The following KIAA1549 variants were observed in gnomAD, a reference collection of about 807,000 sequenced individuals.
KIAA1549 encodes the protein KIAA1549.
KIAA1549 carries 70 observed loss-of-function variants against 156.4 expected under a neutral mutation model. The ratio of observed to expected loss-of-function variants is 0.45; its 90% CI spans 0.37 to 0.55. KIAA1549 has a LOEUF of 0.55. KIAA1549 is among the 20% of genes least tolerant of loss of function. The pLI is 0.00. For missense variants in KIAA1549, 2,428 were observed against 2,540.9 expected, an observed-to-expected ratio of 0.96 and a Z score of 0.96; for synonymous variants, 1,103 against 1,066.4, an observed-to-expected ratio of 1.03 and a Z score of -0.67.
At chr7:138,857,564 G>C (rs1390600857) in intron 16 of KIAA1549, among the ~76,000 whole-genome samples, 1 of 152,176 alleles carries the variant, frequency 6.6e-6, no homozygotes, top group Non-Finnish European at 1.5e-5. Context: ...CCCACCAGCA[G>C]TTCATGAGAC....
chr7:138,901,829 T>G (rs1160375180), intron 8 of KIAA1549, among the ~76,000 whole-genome samples: 1 of 152,192 alleles, frequency 6.6e-6, no homozygotes, highest in East Asian at 1.9e-4. Context: ...CATCTTCATG[T>G]TTGGTCACTC....
chr7:138,928,933 T>C (rs116586858), intron 1 of KIAA1549, among the ~76,000 whole-genome samples: 2,302 of 152,274 alleles, frequency 0.015, 61 homozygotes, highest in African/African-American at 0.052. Context: ...AATGTACACA[T>C]CTTAACTAAA....
intron 1 of KIAA1549, among the ~76,000 whole-genome samples, chr7:138,958,561 C>T (rs901279052): frequency 1.3e-5 from 2 of 152,160 alleles, no homozygotes; most frequent in African/African-American, 4.8e-5. Context: ...AGTTCTATGA[C>T]TCAGGAGCTT....
At chr7:138,860,926 G>GGGATTACAGGCATGA (rs1275731274) in intron 16 of KIAA1549, among the ~76,000 whole-genome samples, 2 of 152,310 alleles carry the variant, frequency 1.3e-5, no homozygotes, top group African/African-American at 4.8e-5. Flanking sequence ...CTAAATTGCG[G>GGGATTACAGGCATGA]GGATTACAGG....
chr7:138,948,628 A>T (rs1813401919), intron 1 of KIAA1549, among the ~76,000 whole-genome samples: 1 of 151,846 alleles, frequency 6.6e-6, no homozygotes, highest in African/African-American at 2.4e-5. Flanking sequence ...ACAGCCAAGC[A>T]AAAGAGTCAT....
rs147490582 is a variant in KIAA1549, at chr7:138,857,245, C to A, written c.5247+3894G>T. On this transcript the variant is annotated intron_variant, in intron 16 of 19. Coordinates refer to ENST00000422774, the MANE Select transcript of KIAA1549 (RefSeq NM_001164665.2). ...ATGCATACAGACACACCCACCCACC[C>A]ACATACACACACACTACTAGTTCTG... Among the ~76,000 whole-genome samples the A allele has an allele frequency of 3.3e-3, 510 of 152,294 alleles. 2 individuals are homozygous for A. The highest frequency in any genetic ancestry group is 0.012 in the African/African-American group (501 of 41,550).
intron 1 of KIAA1549, among the ~76,000 whole-genome samples, chr7:138,921,691 C>T (rs1285397307): frequency 6.6e-6 from 1 of 152,038 alleles, no homozygotes; most frequent in Non-Finnish European, 1.5e-5. Context: ...GTGGCAAAAC[C>T]CCATCTCCAC....
intron 8 of KIAA1549, among the ~76,000 whole-genome samples, chr7:138,903,119 T>A (rs933730543): frequency 4.6e-5 from 7 of 152,114 alleles, no homozygotes; most frequent in African/African-American, 1.7e-4. Context: ...GACTCCATAA[T>A]ACCATGGAAG....
intron 1 of KIAA1549, among the ~76,000 whole-genome samples, chr7:138,920,466 GATGAATGAATGA>G (rs71169064): frequency 6.6e-6 from 1 of 151,572 alleles, no homozygotes. Context: ...CACTTGGATT[GATGAATGAATGA>G]ATGAATGAAT....
intron 1 of KIAA1549, among the ~76,000 whole-genome samples, chr7:138,939,973 C>G (rs1026876209): frequency 6.6e-6 from 1 of 151,988 alleles, no homozygotes; most frequent in Non-Finnish European, 1.5e-5. Context: ...ATAGCAAGAC[C>G]CCATTTCTAC....
Position 138,919,017 on chromosome 7 carries a change from T to G in KIAA1549, c.609A>C (p.Leu203Phe). 1 of 1,613,978 alleles carries G rather than the reference T, an allele frequency of 6.2e-7. No homozygotes were observed. Among genetic ancestry groups the G allele is most frequent in the Non-Finnish European group, 8.5e-7 (1 of 1,179,878 alleles). Residue 203 changes from leucine (L) to phenylalanine (F), a missense_variant, in exon 2 of 20, where the codon TTA becomes TTC. Around this residue, in one of 5 missense-constraint regions of KIAA1549, gnomAD observed 893 missense variants for 847.9 expected, o/e 1.05. Coordinates refer to ENST00000422774, the MANE Select transcript of KIAA1549 (RefSeq NM_001164665.2). ...AGCCCGATGTCACTTCTTCATCTTG[T>G]AAAGAAACCATGGGTAATGATGGAG... ...MLTPSLPMVS[L>F]QDEEVTSGWQ...
chr7:138,965,988 C>T (rs1013662354), intron 1 of KIAA1549, among the ~76,000 whole-genome samples: 3 of 152,154 alleles, frequency 2.0e-5, no homozygotes, highest in Non-Finnish European at 2.9e-5. Context: ...CAACACCAGG[C>T]ACACTCCTGC....
In KIAA1549 at chr7:138,935,691, C is replaced by T. The variant is rs1025395324; in HGVS notation, c.188-16253G>A. 8.5e-5 allele frequency among the ~76,000 whole-genome samples: 13 copies of T among 152,288 alleles called. 1 individual carries two copies. In the East Asian group the frequency reaches 1.5e-3, roughly 18 times the overall value. On this transcript the variant is annotated intron_variant, in intron 1 of 19. Coordinates refer to ENST00000422774, the MANE Select transcript of KIAA1549 (RefSeq NM_001164665.2). ...AGCCAGCAGCAATGAACATCCACAC[C>T]GACGTCCAAGCTGCCAGGAGACACC...
chr7:138,942,587 C>T (rs1813215516), intron 1 of KIAA1549, among the ~76,000 whole-genome samples: 1 of 151,858 alleles, frequency 6.6e-6, no homozygotes, highest in African/African-American at 2.4e-5. Flanking sequence ...AAGCACTGCA[C>T]TGGTGATACA....
In KIAA1549 at chr7:138,837,981, A is replaced by G. The variant is rs991090136; in HGVS notation, c.5778T>C (p.Ser1926=). 6 of 1,613,638 alleles carry G rather than the reference A, an allele frequency of 3.7e-6. No individual in the cohort carries two copies. The highest frequency in any genetic ancestry group is 2.2e-5 in the East Asian group (1 of 44,868). ...EDLQPGHSSA[S]LIKAIREELL... ...GCTCCTCGCGGATTGCTTTGATGAG[A>G]GAGGCCGAGGAGTGGCCAGGCTGGA... is the stretch of plus-strand genomic sequence containing the variant. Residue 1926 remains serine (S), a synonymous_variant, in exon 20 of 20, where the codon TCT becomes TCC. Transcript: ENST00000422774.
At chr7:138,979,861 G>A (rs1814492243) in intron 1 of KIAA1549, among the ~76,000 whole-genome samples, 1 of 152,242 alleles carries the variant, frequency 6.6e-6, no homozygotes, top group Admixed American at 6.5e-5. Flanking sequence ...AAGAGCGGGG[G>A]TGGGAGGCAG....
intron 17 of KIAA1549, among the ~76,000 whole-genome samples, chr7:138,849,856 C>A (rs1482142122): frequency 6.6e-6 from 1 of 152,172 alleles, no homozygotes; most frequent in East Asian, 1.9e-4. Context: ...AGGATAACGG[C>A]CTCTGGCTCC....
intron 16 of KIAA1549, among the ~76,000 whole-genome samples, chr7:138,856,016 C>G (rs913318280): frequency 2.0e-5 from 3 of 151,296 alleles, no homozygotes; most frequent in African/African-American, 7.3e-5. Context: ...CCCCTCATTT[C>G]TTTTTTTATT....
intron 1 of KIAA1549, among the ~76,000 whole-genome samples, chr7:138,927,581 T>C (rs1335604889): frequency 6.6e-6 from 1 of 152,252 alleles, no homozygotes; most frequent in Non-Finnish European, 1.5e-5. Flanking sequence ...GAAGTTGCAG[T>C]GAGCCGAAAC....
Sources: gnomAD v4.1 joint callset for allele counts (sites outside exome capture counted in the v4.1 genomes callset) on GRCh38, gnomAD v4.1.1 for gene constraint, gnomAD v4.1.1 regional missense constraint, MANE v1.5 for transcripts, NCBI Gene and HGNC (gene_info 2026-07-23, HGNC 2026-07-21) for gene names.